The following ZNF177 variants were observed in gnomAD, a reference collection of about 807,000 sequenced individuals.
ZNF177 encodes the protein zinc finger protein 177.
Under a neutral mutation model 19.4 loss-of-function variants are expected in ZNF177, and 17 were observed. That is an observed-to-expected ratio of 0.87 (90% CI 0.60 to 1.31). ZNF177 has a LOEUF of 1.31. Ranked by LOEUF, ZNF177 falls within the 40% of genes most tolerant of loss-of-function variation. The probability of loss-of-function intolerance (pLI) is 0.00; values close to 1 mark genes in which losing one functional copy is unlikely to be tolerated. For synonymous variants in ZNF177, 220 were observed against 188.7 expected (o/e 1.17, Z -1.36); for missense variants, 633 against 561.8 (o/e 1.13, Z -1.28).
exon 6 of ZNF177, chr19:9,381,866 G>T: frequency 1.3e-6 from 2 of 1,503,950 alleles, no homozygotes; most frequent in Non-Finnish European, 1.8e-6. Context: ...TGGTCACCTG[G>T]AAACAGCCTT....
chr19:9,377,815 C>T (rs189414197), intron 1 of ZNF177, among the ~76,000 whole-genome samples: 42 of 152,162 alleles, frequency 2.8e-4, no homozygotes, highest in Middle Eastern at 6.8e-3. Context: ...TAAGTAATTT[C>T]GGGATATTAA....
chr19:9,380,802 C>T, exon 6 of ZNF177: 1 of 1,536,084 alleles, frequency 6.5e-7, no homozygotes, highest in South Asian at 1.2e-5. Flanking sequence ...GCAAAGTCTT[C>T]AACCATCCCT....
chr19:9,377,623 C>T (rs1385386958), intron 1 of ZNF177, among the ~76,000 whole-genome samples: 2 of 152,080 alleles, frequency 1.3e-5, no homozygotes, highest in Non-Finnish European at 2.9e-5. Flanking sequence ...GCAAAAAGGG[C>T]CTGGAAGGTA....
Position 9,381,122 on chromosome 19 carries a change from CTT to C in ZNF177, c.793_794del (p.Phe265HisfsTer2), listed in dbSNP as rs1221658117. Reference sequence around the variant, plus strand: ...TTGGAATGTAATGAACATGAGAAAACTTTCACTGACCCTTTGTCCCTTCAGAA... The same window carrying C: ...TTGGAATGTAATGAACATGAGAAAACTCACTGACCCTTTGTCCCTTCAGAA... On this transcript the variant is annotated frameshift_variant, in exon 6 of 6. Coordinates refer to ENST00000589262, the Ensembl canonical transcript of ZNF177. LOFTEE classifies it low-confidence loss of function (END_TRUNC). 1 of 1,613,900 alleles carries C rather than the reference CTT, an allele frequency of 6.2e-7. No homozygotes were observed. Among genetic ancestry groups the C allele is most frequent in the East Asian group, 2.2e-5 (1 of 44,878 alleles).
chr19:9,363,329 C>T (rs901145710), intron 1 of ZNF177: 2 of 152,274 alleles, frequency 1.3e-5, no homozygotes, highest in Non-Finnish European at 2.9e-5. Flanking sequence ...GTCGGCGGGG[C>T]CTTTTCTCCA....
chr19:9,373,156 C>T (rs1232834643), upstream of ZNF177, among the ~76,000 whole-genome samples: 1 of 152,152 alleles, frequency 6.6e-6, no homozygotes, highest in Non-Finnish European at 1.5e-5. Flanking sequence ...CCCCATTTCC[C>T]TTGCCCCTTG....
At chr19:9,380,860 G>A (rs1467532026) in exon 6 of ZNF177, 2 of 1,536,068 alleles carry the variant, frequency 1.3e-6, no homozygotes, top group South Asian at 2.4e-5. Flanking sequence ...GAAAACTCTT[G>A]AATTTACTGA....
Position 9,381,712 on chromosome 19 carries a change from T to TTTAGCACAAGCACTAACCTTATAATGCAC in ZNF177, c.1382_1410dup (p.Lys471LeufsTer8), listed in dbSNP as rs1286878245. On this transcript the variant is annotated frameshift_variant, in exon 6 of 6. Coordinates refer to ENST00000589262, the Ensembl canonical transcript of ZNF177. LOFTEE classifies it low-confidence loss of function (END_TRUNC). ...TAAATGTATTCAGTGTGAAAAAGCCTTTAGCACAAGCACTAACCTTATAAT... is the reference window on the plus strand; with the variant it reads ...TAAATGTATTCAGTGTGAAAAAGCCTTTAGCACAAGCACTAACCTTATAATGCACTTAGCACAAGCACTAACCTTATAAT... 6.2e-7 allele frequency: 1 copy of TTTAGCACAAGCACTAACCTTATAATGCAC among 1,614,042 alleles called. No homozygotes were observed. The highest frequency in any genetic ancestry group is 1.7e-5 in the Admixed American group (1 of 59,988).
intron 2 of ZNF177, among the ~76,000 whole-genome samples, chr19:9,366,078 G>A (rs531681247): frequency 9.2e-5 from 14 of 152,208 alleles, no homozygotes; most frequent in African/African-American, 3.4e-4. Context: ...TGCCTCCCGG[G>A]TTCAAGTGAT....
upstream of ZNF177, among the ~76,000 whole-genome samples, chr19:9,374,703 AT>A (rs58487494): frequency 0.61 from 92,407 of 151,408 alleles, 28,763 homozygotes; most frequent in African/African-American, 0.73. Flanking sequence ...TTGTATGTTG[AT>A]TTTTTTTTAC....
exon 6 of ZNF177, chr19:9,381,865 G>T: frequency 6.6e-7 from 1 of 1,504,038 alleles, no homozygotes; most frequent in South Asian, 1.4e-5. Context: ...ATGGTCACCT[G>T]GAAACAGCCT....
chr19:9,370,298 C>T (rs141335285), intron 2 of ZNF177, among the ~76,000 whole-genome samples: 38 of 152,212 alleles, frequency 2.5e-4, no homozygotes, highest in Non-Finnish European at 4.1e-4. Context: ...TTGCATAGAA[C>T]CTACACACAT....
chr19:9,381,761 A>G (rs1403808027), exon 6 of ZNF177: 2 of 1,599,658 alleles, frequency 1.3e-6, no homozygotes, highest in Non-Finnish European at 8.5e-7. Context: ...CACAATGGCC[A>G]GAAACTCCAT....
At chr19:9,379,379 G>GAA (rs769221371) in intron 3 of ZNF177, 148 bp from the exon 6 acceptor site, 264 of 1,224,866 alleles carry the variant, frequency 2.2e-4, no homozygotes, top group Non-Finnish European at 2.8e-4. Flanking sequence ...GTGAAAGAAA[G>GAA]AGCTCGGCTC....
intron 4 of ZNF177, 141 bp downstream of exon 6, chr19:9,379,760 G>A (rs996337185): frequency 4.6e-5 from 47 of 1,017,126 alleles, no homozygotes; most frequent in African/African-American, 6.6e-5. Flanking sequence ...TCGTTCATAC[G>A]TTCATTTGGT....
chr19:9,379,145 A>G (rs2068152961), intron 3 of ZNF177, 57 bp downstream of exon 5: 3 of 1,533,792 alleles, frequency 2.0e-6, no homozygotes, highest in East Asian at 2.3e-5. Context: ...TTAAGCACAT[A>G]TTATGTTCCA....
exon 6 of ZNF177, chr19:9,381,866 G>A (rs2068208989): frequency 1.3e-6 from 2 of 1,503,948 alleles, no homozygotes; most frequent in South Asian, 2.8e-5. Context: ...TGGTCACCTG[G>A]AAACAGCCTT....
chr19:9,381,513 G>A (rs1234191229), exon 6 of ZNF177: 2 of 1,614,076 alleles, frequency 1.2e-6, no homozygotes, highest in Non-Finnish European at 1.7e-6. Context: ...CTGGAGAGAA[G>A]CCTTATGAGT....
In ZNF177 at chr19:9,367,178, G is replaced by T. The variant is rs541328474; in HGVS notation, c.-305+2230G>T. ...TACTAAAAATACAAAAACATAGCTG[G>T]GTGTGGTGGCACGCGTCTGTAGTCC... On this transcript the variant is annotated intron_variant, in intron 2 of 8. Transcript: ENST00000343499. Among the ~76,000 whole-genome samples, 8 of 152,184 alleles carry T rather than the reference G, an allele frequency of 5.3e-5. No homozygotes were observed. The East Asian group carries it at 1.5e-3, about 29-fold the overall frequency.
Sources: gnomAD v4.1 joint callset for allele counts (sites outside exome capture counted in the v4.1 genomes callset) on GRCh38, gnomAD v4.1.1 for gene constraint, MANE v1.5 for transcripts, NCBI Gene and HGNC (gene_info 2026-07-23, HGNC 2026-07-21) for gene names.